The following THSD4 variants were observed in gnomAD, a reference collection of about 807,000 sequenced individuals.
THSD4 encodes the protein thrombospondin type 1 domain containing 4.
THSD4 carries 69 observed loss-of-function variants against 119.0 expected under a neutral mutation model. The ratio of observed to expected loss-of-function variants is 0.58; its 90% CI spans 0.48 to 0.71. The LOEUF is 0.71. Ranked by LOEUF, THSD4 falls within the 30% of genes least tolerant of loss-of-function variation. The probability of loss-of-function intolerance (pLI) is 0.00; values close to 1 mark genes in which losing one functional copy is unlikely to be tolerated. For synonymous variants in THSD4, 524 were observed against 540.4 expected, an observed-to-expected ratio of 0.97 and a Z score of 0.42; for missense variants, 1,393 against 1,391.1, an observed-to-expected ratio of 1.00 and a Z score of -0.02.
At chr15:71,209,062 C>A (rs1326753565) in intron 3 of THSD4, among the ~76,000 whole-genome samples, 1 of 152,014 alleles carries the variant, frequency 6.6e-6, no homozygotes, top group Non-Finnish European at 1.5e-5. Flanking sequence ...TGTTATGTTA[C>A]CCTGACACCC....
At chr15:71,426,963 C>G (rs781548326) in intron 7 of THSD4, among the ~76,000 whole-genome samples, 1 of 152,066 alleles carries the variant, frequency 6.6e-6, no homozygotes, top group African/African-American at 2.4e-5. Flanking sequence ...TAGAAATAAT[C>G]ATGAATAGGA....
intron 15 of THSD4, among the ~76,000 whole-genome samples, chr15:71,759,783 T>C (rs2053601037): frequency 6.6e-6 from 1 of 152,162 alleles, no homozygotes; most frequent in Non-Finnish European, 1.5e-5. Context: ...GCTTGTGGCT[T>C]CCTATTGACT....
intron 3 of THSD4, chr15:71,189,114 C>T (rs1001073939): frequency 6.6e-6 from 1 of 152,248 alleles, no homozygotes; most frequent in Non-Finnish European, 1.5e-5. Context: ...GCCACAGCAA[C>T]CCAGTCTCGT....
At chr15:71,165,095 T>C (rs1347273704) in intron 3 of THSD4, 4 of 1,611,176 alleles carry the variant, frequency 2.5e-6, no homozygotes, top group Admixed American at 1.7e-5. Flanking sequence ...TGGGCGATAC[T>C]CAGAGCAGAA....
At chr15:71,618,301 C>A (rs1443881483) in intron 7 of THSD4, among the ~76,000 whole-genome samples, 1 of 152,166 alleles carries the variant, frequency 6.6e-6, no homozygotes, top group Non-Finnish European at 1.5e-5. Flanking sequence ...AGTAAGCAAT[C>A]CCACTTCCAG....
At chr15:71,248,757 G>T (rs1272115475) in intron 5 of THSD4, among the ~76,000 whole-genome samples, 1 of 151,996 alleles carries the variant, frequency 6.6e-6, no homozygotes, top group Non-Finnish European at 1.5e-5. Flanking sequence ...CTAGATTGGC[G>T]TGCTCTCTGC....
intron 6 of THSD4, among the ~76,000 whole-genome samples, chr15:71,292,543 A>G (rs1418207819): frequency 2.0e-5 from 3 of 151,780 alleles, no homozygotes; most frequent in East Asian, 1.9e-4. Context: ...TGAATTCTTT[A>G]ATTTTTATGA....
intron 7 of THSD4, among the ~76,000 whole-genome samples, chr15:71,619,612 T>C (rs7182578): frequency 0.21 from 32,451 of 152,142 alleles, 4,007 homozygotes; most frequent in African/African-American, 0.34. Flanking sequence ...GGTGATAATA[T>C]ACATTGAAAT....
intron 7 of THSD4, among the ~76,000 whole-genome samples, chr15:71,645,876 A>G (rs140266212): frequency 6.6e-6 from 1 of 152,340 alleles, no homozygotes; most frequent in African/African-American, 2.4e-5. Context: ...CTCCTTTCCA[A>G]GAAATACCAG....
At chr15:71,388,580 A>G (rs918915973) in intron 6 of THSD4, among the ~76,000 whole-genome samples, 1 of 152,058 alleles carries the variant, frequency 6.6e-6, no homozygotes, top group South Asian at 2.1e-4. Context: ...GTGGTCTGGT[A>G]GGAGATCATC....
intron 7 of THSD4, among the ~76,000 whole-genome samples, chr15:71,468,913 A>C (rs2047535599): frequency 6.6e-6 from 1 of 152,230 alleles, no homozygotes; most frequent in Admixed American, 6.5e-5. Context: ...GCCAGAACTT[A>C]GTCACATGAC....
intron 3 of THSD4, among the ~76,000 whole-genome samples, chr15:71,155,774 G>A (rs192660152): frequency 5.3e-5 from 8 of 152,274 alleles, no homozygotes; most frequent in Non-Finnish European, 1.0e-4. Flanking sequence ...CTTCAGTAGA[G>A]GGACGCAGTC....
chr15:71,602,553 CAAAAA>C (rs59370074), intron 7 of THSD4, among the ~76,000 whole-genome samples: 6,465 of 53,766 alleles, frequency 0.12, 185 homozygotes, highest in South Asian at 0.25. Flanking sequence ...AACTCTGTCT[CAAAAA>C]AAAAAAAAAA....
chr15:71,670,592 C>T (rs1282585813), intron 8 of THSD4, among the ~76,000 whole-genome samples: 2 of 151,822 alleles, frequency 1.3e-5, no homozygotes, highest in South Asian at 4.2e-4. Context: ...TGGTGTGCTG[C>T]ACCCATTAAC....
At chr15:71,395,789 T>TC (rs1460204530) in intron 6 of THSD4, among the ~76,000 whole-genome samples, 1 of 151,960 alleles carries the variant, frequency 6.6e-6, no homozygotes, top group Non-Finnish European at 1.5e-5. Context: ...CTTGGAGTTT[T>TC]CCCCTGAATT....
At chr15:71,426,114 G>A (rs997525283) in intron 7 of THSD4, among the ~76,000 whole-genome samples, 2 of 152,206 alleles carry the variant, frequency 1.3e-5, no homozygotes, top group Non-Finnish European at 1.5e-5. Flanking sequence ...CCTCTGGTCA[G>A]TCATCGCCCC....
chr15:71,098,038 G>A (rs916812263), intron 1 of THSD4, among the ~76,000 whole-genome samples: 2 of 151,898 alleles, frequency 1.3e-5, no homozygotes, highest in African/African-American at 4.8e-5. Flanking sequence ...CCCACAATAG[G>A]ACACATTTTC....
At position 71,668,452 on chromosome 15, in the gene THSD4, G is replaced by A. The variant is rs552990227; in HGVS notation, c.1357+7718G>A. ...GCCCCAAGAGGCTCTGAGCCTGGAA[G>A]ACAGCAGGTAAAAGGGAGGGGAGAA... is the stretch of plus-strand genomic sequence containing the variant. On this transcript the variant is annotated intron_variant, in intron 8 of 17. Coordinates refer to ENST00000261862, the MANE Select transcript of THSD4 (RefSeq NM_024817.3). Among the ~76,000 whole-genome samples the A allele has an allele frequency of 6.6e-5, 10 of 152,240 alleles. No individual in the cohort carries two copies. The South Asian group carries it at 1.5e-3, about 22-fold the overall frequency.
chr15:71,305,356 A>G (rs2045010084), intron 6 of THSD4, among the ~76,000 whole-genome samples: 1 of 152,182 alleles, frequency 6.6e-6, no homozygotes, highest in Non-Finnish European at 1.5e-5. Context: ...TTATCATCAA[A>G]CCCCAGGCTC....
Sources: gnomAD v4.1 joint callset for allele counts (sites outside exome capture counted in the v4.1 genomes callset) on GRCh38, gnomAD v4.1.1 for gene constraint, MANE v1.5 for transcripts, NCBI Gene and HGNC (gene_info 2026-07-23, HGNC 2026-07-21) for gene names.